The following PCBP3 variants were observed in gnomAD, a reference collection of about 807,000 sequenced individuals.
The protein encoded by PCBP3 is poly(rC) binding protein 3.
A neutral mutation model predicts 52.7 loss-of-function variants in PCBP3; 25 were observed. The observed-to-expected ratio is 0.47, with a 90% CI of 0.35 to 0.66. PCBP3 has a LOEUF of 0.66. Among genes scored for constraint, PCBP3 ranks in the 30% least tolerant of loss-of-function variants. PCBP3 has a pLI of 0.01. For synonymous variants in PCBP3, 162 were observed against 183.0 expected (o/e 0.89, Z 0.93); for missense variants, 391 against 490.3 (o/e 0.80, Z 1.91).
At position 45,741,631 on chromosome 21, in the gene PCBP3, T is replaced by A. The variant is rs1025430382; in HGVS notation, c.-162+6202T>A. 6.6e-5 allele frequency among the ~76,000 whole-genome samples: 10 copies of A among 152,170 alleles called. No homozygotes were observed. Among genetic ancestry groups the A allele is most frequent in the Non-Finnish European group, 1.0e-4 (7 of 68,020 alleles). On this transcript the variant is annotated intron_variant, in intron 3 of 17. Transcript: ENST00000681687. This position sits in a 1 kb window ranked among gnomAD's most constrained non-coding sequence, Gnocchi z 4.5. ...CTTTTCATAAGCTTTATCGAATTAT[T>A]TGCTTTTAAAAACTGTGTATATTTA...
chr21:45,826,274 T>A (rs890683469), intron 4 of PCBP3, among the ~76,000 whole-genome samples: 6 of 148,606 alleles, frequency 4.0e-5, no homozygotes, highest in Non-Finnish European at 6.0e-5. Context: ...AAAAAAAAAA[T>A]TAAATTAAAT....
At chr21:45,645,359 A>G (rs1366731960) in intron 1 of PCBP3, among the ~76,000 whole-genome samples, 4 of 152,198 alleles carry the variant, frequency 2.6e-5, no homozygotes, top group Non-Finnish European at 4.4e-5. Context: ...AGGTTTTGAA[A>G]AAGTTTTGAT....
At chr21:45,813,813 T>C (rs2092750619) in intron 4 of PCBP3, among the ~76,000 whole-genome samples, 1 of 152,262 alleles carries the variant, frequency 6.6e-6, no homozygotes, top group African/African-American at 2.4e-5. Context: ...CCAATGTGTC[T>C]GCCATCTCTT....
intron 5 of PCBP3, among the ~76,000 whole-genome samples, chr21:45,874,018 G>A (rs1248091722): frequency 6.6e-6 from 1 of 152,030 alleles, no homozygotes; most frequent in African/African-American, 2.4e-5. Flanking sequence ...CCTAAGTGCT[G>A]GGATCACAGG....
At chr21:45,657,356 T>G (rs2080087297) in intron 1 of PCBP3, among the ~76,000 whole-genome samples, 1 of 152,200 alleles carries the variant, frequency 6.6e-6, no homozygotes, top group African/African-American at 2.4e-5. Context: ...AGGAGGAGTT[T>G]AACTTCATTC....
chr21:45,936,800 A>G (rs993310042), intron 16 of PCBP3, among the ~76,000 whole-genome samples: 1 of 152,186 alleles, frequency 6.6e-6, no homozygotes, highest in Non-Finnish European at 1.5e-5. Context: ...GAGTTGGTCA[A>G]CCTGTTTCCT....
chr21:45,913,957 C>T lies in PCBP3; in HGVS notation c.607C>T (p.Pro203Ser). 1.2e-6 allele frequency: 2 copies of T among 1,611,972 alleles called. No homozygotes were observed. Among genetic ancestry groups the T allele is most frequent in the South Asian group, 1.1e-5 (1 of 90,854 alleles). Residue 203 changes from proline to serine, a missense_variant, in exon 12 of 18, where the codon CCG (proline) becomes TCG (serine). Physicochemically the swap from Pro to Ser is moderately conservative, Grantham distance 74 (BLOSUM62 -1). Transcript: ENST00000681687. Reference sequence around the variant, plus strand: ...CTCCTGTCCCTTTTCCTAGTCCCCACCGAAAGGTGCCACCATTCCCTACCG... The same window carrying T: ...CTCCTGTCCCTTTTCCTAGTCCCCATCGAAAGGTGCCACCATTCCCTACCG... ...QICVVMLESP[P>S]KGATIPYRPK...
chr21:45,648,555 C>A (rs2079477827), intron 1 of PCBP3, among the ~76,000 whole-genome samples: 1 of 152,202 alleles, frequency 6.6e-6, no homozygotes, highest in South Asian at 2.1e-4. Flanking sequence ...ACCAGGTATG[C>A]ACTTACCACT....
chr21:45,847,402 C>T (rs755564156), intron 4 of PCBP3, among the ~76,000 whole-genome samples: 16 of 152,298 alleles, frequency 1.1e-4, no homozygotes, highest in Admixed American at 5.9e-4. Context: ...CCATCCTTAC[C>T]CTCACTTTCT....
chr21:45,887,615 C>T (rs890343924), intron 5 of PCBP3, among the ~76,000 whole-genome samples: 2 of 152,368 alleles, frequency 1.3e-5, no homozygotes, highest in African/African-American at 4.8e-5. Context: ...GCTGTGCACA[C>T]GTTGGTGTTG....
At chr21:45,757,655 G>A (rs2088194897) in intron 4 of PCBP3, among the ~76,000 whole-genome samples, 1 of 152,142 alleles carries the variant, frequency 6.6e-6, no homozygotes, top group African/African-American at 2.4e-5. Context: ...TGTAGTCTTA[G>A]CTCTTACATT....
At chr21:45,770,339 G>A (rs1162229399) in intron 4 of PCBP3, among the ~76,000 whole-genome samples, 3 of 151,932 alleles carry the variant, frequency 2.0e-5, no homozygotes, top group Admixed American at 6.6e-5. Flanking sequence ...TTAGACTATC[G>A]TTTTACAATT....
Position 45,917,957 on chromosome 21 carries a change from C to A in PCBP3, c.717+328C>A. ...GCAGTGAGGATGTGCTCACCCGCCA[C>A]AGGCAGGCGTCAGTGATACTTTCTC... On this transcript the variant is annotated intron_variant, in intron 13 of 17. Coordinates refer to ENST00000681687, the MANE Select transcript of PCBP3 (RefSeq NM_001384156.1). The surrounding 1 kb of genome is among the most constrained non-coding windows in gnomAD (Gnocchi z 5.3). The A allele has an allele frequency of 2.9e-6, 1 of 347,362 alleles. No individual in the cohort carries two copies. The highest frequency in any genetic ancestry group is 3.0e-5 in the South Asian group (1 of 32,970). 21.5% of individuals were successfully genotyped at this position (347,362 alleles called of 1,614,324 possible). A position where few individuals can be genotyped will look rare whatever the true frequency, so the allele number is the denominator to read the frequency against.
In PCBP3 at chr21:45,906,761, C is replaced by T. The variant is rs560268015; in HGVS notation, c.340-2594C>T. ...CTGATGTACATTTAAGGTGCCATCC[C>T]GTTTTCAGGCAAAGTCTCTGCCTAC... On this transcript the variant is annotated intron_variant, in intron 9 of 17. Coordinates refer to ENST00000681687, the MANE Select transcript of PCBP3 (RefSeq NM_001384156.1). Among the ~76,000 whole-genome samples the T allele has an allele frequency of 3.9e-5, 6 of 152,252 alleles. No individual in the cohort carries two copies. The East Asian group carries it at 7.7e-4, about 20-fold the overall frequency.
At chr21:45,896,176 T>C (rs748559286) in intron 5 of PCBP3, 32 bp from the exon 6 acceptor site, 6 of 1,548,872 alleles carry the variant, frequency 3.9e-6, no homozygotes, top group Non-Finnish European at 5.2e-6. Flanking sequence ...GTGAGACTCT[T>C]CTCTAGCAGC....
At chr21:45,726,653 C>G (rs1469113027) in intron 2 of PCBP3, among the ~76,000 whole-genome samples, 1 of 152,220 alleles carries the variant, frequency 6.6e-6, no homozygotes, top group African/African-American at 2.4e-5. Context: ...GTTTGTGTCT[C>G]CCGCCTGAGG....
Position 45,736,574 on chromosome 21 carries a change from G to C in PCBP3, c.-162+1145G>C, listed in dbSNP as rs2085884418. On this transcript the variant is annotated intron_variant, in intron 3 of 17. Transcript: ENST00000681687. The surrounding 1 kb of genome is among the most constrained non-coding windows in gnomAD (Gnocchi z 4.6). ...GTTGGCAGGGGGAGGCCCTCGGAGAGATGGCATGGGGAGTTGGCAGGGGGA... is the reference window on the plus strand; with the variant it reads ...GTTGGCAGGGGGAGGCCCTCGGAGACATGGCATGGGGAGTTGGCAGGGGGA... Among the ~76,000 whole-genome samples, 1 of 152,070 alleles carries C rather than the reference G, an allele frequency of 6.6e-6. No homozygotes were observed. The highest frequency in any genetic ancestry group is 1.5e-5 in the Non-Finnish European group (1 of 67,998).
intron 4 of PCBP3, among the ~76,000 whole-genome samples, chr21:45,808,283 G>A (rs2092574306): frequency 6.6e-6 from 1 of 152,124 alleles, no homozygotes; most frequent in Non-Finnish European, 1.5e-5. Flanking sequence ...GAAAATTTTT[G>A]CAATCTATCC....
chr21:45,911,960 C>CTGG (rs2096403541), intron 11 of PCBP3, among the ~76,000 whole-genome samples: 1 of 152,244 alleles, frequency 6.6e-6, no homozygotes. Context: ...TTCAACTCTC[C>CTGG]AGTCTCAGGC....
Sources: allele counts gnomAD v4.1 joint callset (sites outside exome capture counted in the v4.1 genomes callset), GRCh38; gene constraint gnomAD v4.1.1; non-coding constraint Gnocchi (gnomAD v3.1); transcripts MANE v1.5; gene names NCBI Gene and HGNC (gene_info 2026-07-23, HGNC 2026-07-21).